MYO1D: variants seen among roughly 807,000 people sequenced by gnomAD.
MYO1D encodes the protein unconventional myosin-Id.
MYO1D carries 83 observed loss-of-function variants against 122.0 expected under a neutral mutation model. That is an observed-to-expected ratio of 0.68 (90% CI 0.57 to 0.82). The LOEUF (loss-of-function observed/expected upper bound fraction) is 0.82. Ranked by LOEUF, MYO1D falls within the 40% of genes least tolerant of loss-of-function variation. The probability of loss-of-function intolerance (pLI) is 0.00; values close to 1 mark genes in which losing one functional copy is unlikely to be tolerated. For synonymous variants in MYO1D, 464 were observed against 446.9 expected, an observed-to-expected ratio of 1.04 and a Z score of -0.48; for missense variants, 1,157 against 1,269.5, an observed-to-expected ratio of 0.91 and a Z score of 1.35.
chr17:32,524,787 T>A (rs1045557486), intron 21 of MYO1D, among the ~76,000 whole-genome samples: 1 of 152,188 alleles, frequency 6.6e-6, no homozygotes, highest in Non-Finnish European at 1.5e-5. Context: ...GGTCTTGAAC[T>A]CCTGACCTTG....
intron 20 of MYO1D, among the ~76,000 whole-genome samples, chr17:32,630,283 CA>C (rs2087986690): frequency 1.3e-5 from 2 of 152,102 alleles, no homozygotes; most frequent in African/African-American, 4.8e-5. Flanking sequence ...AGGCTGGTCT[CA>C]AACTCCTGGG....
intron 21 of MYO1D, among the ~76,000 whole-genome samples, chr17:32,604,607 C>G (rs1436468904): frequency 6.6e-6 from 1 of 152,160 alleles, no homozygotes; most frequent in Non-Finnish European, 1.5e-5. Context: ...TCAGATTATG[C>G]CATGTTCCAT....
chr17:32,520,515 T>C (rs1910097625), intron 21 of MYO1D, among the ~76,000 whole-genome samples: 1 of 152,258 alleles, frequency 6.6e-6, no homozygotes, highest in South Asian at 2.1e-4. Flanking sequence ...ATATCTGTCC[T>C]GGGTCTGGAG....
At chr17:32,654,093 A>C in intron 18 of MYO1D, 146 bp from the exon 19 acceptor site, 2 of 638,676 alleles carry the variant, frequency 3.1e-6, no homozygotes, top group South Asian at 4.6e-5. Flanking sequence ...TAAGCTACTA[A>C]ATGGTTGTTG....
At chr17:32,775,761 G>T in intron 4 of MYO1D, 103 bp downstream of exon 4, 3 of 1,003,398 alleles carry the variant, frequency 3.0e-6, no homozygotes, top group Non-Finnish European at 4.3e-6. Context: ...AGGGAGAATA[G>T]GATTTAAAGC....
At chr17:32,804,805 A>T (rs1418619855) in intron 1 of MYO1D, among the ~76,000 whole-genome samples, 1 of 152,166 alleles carries the variant, frequency 6.6e-6, no homozygotes, top group Non-Finnish European at 1.5e-5. Context: ...ACAATTTGAC[A>T]TTACAGTGGC....
chr17:32,739,260 T>G (rs908570234), intron 13 of MYO1D, among the ~76,000 whole-genome samples: 3 of 151,072 alleles, frequency 2.0e-5, no homozygotes, highest in Non-Finnish European at 3.0e-5. Flanking sequence ...CCATCAATGA[T>G]AGACTGGATT....
chr17:32,866,999 AATTAT>A (rs1248649888), intron 1 of MYO1D, among the ~76,000 whole-genome samples: 1 of 152,130 alleles, frequency 6.6e-6, no homozygotes, highest in East Asian at 1.9e-4. Flanking sequence ...GACAGCTCTT[AATTAT>A]ATTGTCATCA....
chr17:32,723,832 T>C (rs2089540312), intron 14 of MYO1D, among the ~76,000 whole-genome samples: 2 of 152,234 alleles, frequency 1.3e-5, no homozygotes, highest in African/African-American at 2.4e-5. Flanking sequence ...CAAAGAACCA[T>C]TATTTTAAGC....
At chr17:32,626,992 T>C (rs896217628) in intron 20 of MYO1D, among the ~76,000 whole-genome samples, 6 of 152,218 alleles carry the variant, frequency 3.9e-5, no homozygotes, top group African/African-American at 9.6e-5. Flanking sequence ...AATTTCTCTA[T>C]AATATAGACA....
chr17:32,618,209 C>T (rs1450389927), intron 20 of MYO1D, among the ~76,000 whole-genome samples: 1 of 152,152 alleles, frequency 6.6e-6, no homozygotes, highest in African/African-American at 2.4e-5. Flanking sequence ...CCAGTATAAT[C>T]GACTTTATTC....
intron 21 of MYO1D, among the ~76,000 whole-genome samples, chr17:32,559,612 C>T (rs2087099779): frequency 6.6e-6 from 1 of 152,214 alleles, no homozygotes; most frequent in Admixed American, 6.5e-5. Context: ...CAGAGTTGTT[C>T]TCAATCTATT....
At chr17:32,517,428 G>A (rs1157298576) in intron 21 of MYO1D, among the ~76,000 whole-genome samples, 1 of 152,180 alleles carries the variant, frequency 6.6e-6, no homozygotes, top group Non-Finnish European at 1.5e-5. Flanking sequence ...TTTGGTGAGT[G>A]TGTCCCCACT....
intron 1 of MYO1D, among the ~76,000 whole-genome samples, chr17:32,827,335 T>C (rs1277832595): frequency 1.3e-5 from 2 of 152,180 alleles, no homozygotes; most frequent in Non-Finnish European, 2.9e-5. Context: ...TCCATTTATA[T>C]GAAGTACCTG....
intron 4 of MYO1D, among the ~76,000 whole-genome samples, chr17:32,774,710 G>A (rs572800941): frequency 2.0e-4 from 31 of 152,166 alleles, no homozygotes; most frequent in Non-Finnish European, 4.1e-4. Flanking sequence ...CTGGAAAAAG[G>A]ACTGATAATA....
At chr17:32,827,656 A>G (rs2090734873) in intron 1 of MYO1D, among the ~76,000 whole-genome samples, 1 of 152,218 alleles carries the variant, frequency 6.6e-6, no homozygotes, top group Non-Finnish European at 1.5e-5. Flanking sequence ...CCTCCAATCG[A>G]TTCAACTGAC....
At chr17:32,544,822 T>C (rs2519861) in intron 21 of MYO1D, among the ~76,000 whole-genome samples, 65,075 of 152,080 alleles carry the variant, frequency 0.43, 14,532 homozygotes, top group South Asian at 0.52. Context: ...CACTCATACT[T>C]ACAACCTTTA....
At chr17:32,778,006 G>A (rs992577049) in intron 3 of MYO1D, among the ~76,000 whole-genome samples, 16 of 152,186 alleles carry the variant, frequency 1.1e-4, no homozygotes, top group African/African-American at 3.6e-4. Context: ...TTGTAATGAT[G>A]ATGATGGGAA....
chr17:32,808,796 T>C (rs1422497318), intron 1 of MYO1D, among the ~76,000 whole-genome samples: 1 of 152,112 alleles, frequency 6.6e-6, no homozygotes, highest in Admixed American at 6.5e-5. Context: ...TCACAAAAAC[T>C]CAACTATGTC....
Sources: gnomAD v4.1 joint callset for allele counts (sites outside exome capture counted in the v4.1 genomes callset) on GRCh38, gnomAD v4.1.1 for gene constraint, MANE v1.5 for transcripts, NCBI Gene and HGNC (gene_info 2026-07-23, HGNC 2026-07-21) for gene names.